The following DNMBP variants were observed in gnomAD, a reference collection of about 807,000 sequenced individuals.
DNMBP encodes the protein dynamin binding protein.
DNMBP carries 87 observed loss-of-function variants against 150.0 expected under a neutral mutation model. That is an observed-to-expected ratio of 0.58 (90% CI 0.49 to 0.69). The LOEUF is 0.69. Ranked by LOEUF, DNMBP falls within the 30% of genes least tolerant of loss-of-function variation. The pLI is 0.00. For synonymous variants in DNMBP, 711 were observed against 750.4 expected (o/e 0.95, Z 0.86); for missense variants, 1,774 against 1,949.0 (o/e 0.91, Z 1.69).
At chr10:99,963,209 C>T (rs1376126216) in intron 3 of DNMBP, among the ~76,000 whole-genome samples, 1 of 151,822 alleles carries the variant, frequency 6.6e-6, no homozygotes, top group Non-Finnish European at 1.5e-5. Flanking sequence ...GCTGGGACTA[C>T]AGGTGTGTGC....
At chr10:100,002,526 T>C (rs1338185065) in intron 1 of DNMBP, among the ~76,000 whole-genome samples, 1 of 152,250 alleles carries the variant, frequency 6.6e-6, no homozygotes, top group East Asian at 1.9e-4. Flanking sequence ...ATCTTATATT[T>C]ACAATCATGC....
chr10:99,887,333 T>G (rs2039484908), intron 12 of DNMBP, among the ~76,000 whole-genome samples: 1 of 152,126 alleles, frequency 6.6e-6, no homozygotes, highest in Non-Finnish European at 1.5e-5. Context: ...GTCAGAAGTT[T>G]GAGACCAGCC....
At chr10:99,982,992 C>T (rs1300323259) in intron 1 of DNMBP, among the ~76,000 whole-genome samples, 1 of 151,970 alleles carries the variant, frequency 6.6e-6, no homozygotes, top group African/African-American at 2.4e-5. Context: ...ATTCTGGGGT[C>T]CCAGAACAAA....
At chr10:99,886,278 A>C (rs567748603) in intron 13 of DNMBP, 22 bp downstream of exon 13, 2 of 1,591,898 alleles carry the variant, frequency 1.3e-6, no homozygotes, top group Non-Finnish European at 1.7e-6. Flanking sequence ...TGACCATCCC[A>C]CTGAACAGGT....
intron 4 of DNMBP, among the ~76,000 whole-genome samples, chr10:99,944,723 C>T (rs1001693908): frequency 1.7e-5 from 1 of 59,280 alleles, no homozygotes; most frequent in Non-Finnish European, 3.7e-5. Context: ...TGTTTCATTC[C>T]CCAACACACA....
intron 8 of DNMBP, 34 bp from the exon 9 acceptor site, chr10:99,898,319 A>G (rs766087709): frequency 3.8e-6 from 6 of 1,563,856 alleles, no homozygotes; most frequent in Non-Finnish European, 5.3e-6. Flanking sequence ...TTAGTAAGCT[A>G]TCAATAATAT....
intron 9 of DNMBP, among the ~76,000 whole-genome samples, chr10:99,897,755 A>C (rs2039676296): frequency 6.6e-6 from 1 of 152,084 alleles, no homozygotes; most frequent in Admixed American, 6.5e-5. Flanking sequence ...TCTACTAAAA[A>C]TACAAAAATT....
In DNMBP at chr10:99,886,467, G is replaced by A. The variant is rs2039466767; in HGVS notation, c.3451C>T (p.Gln1151Ter). 1 of 1,614,074 alleles carries A rather than the reference G, an allele frequency of 6.2e-7. No individual in the cohort carries two copies. The highest frequency in any genetic ancestry group is 8.5e-7 in the Non-Finnish European group (1 of 1,180,054). ...GCCTCATAGTTGTTCCGGGCCGACTGCAGCTCCTCCAGGGTCTTCTTGTCC... is the reference window on the plus strand; with the variant it reads ...GCCTCATAGTTGTTCCGGGCCGACTACAGCTCCTCCAGGGTCTTCTTGTCC... ...LKDKKTLEEL[Q>*]SARNNYEALN... Residue 1151 changes from glutamine (Q) to a stop codon, truncating the protein, a stop_gained, in exon 13 of 17, where the codon CAG becomes TAG. Transcript: ENST00000324109. LOFTEE classifies it high-confidence loss of function.
chr10:100,006,300 G>A (rs572066195), intron 1 of DNMBP, among the ~76,000 whole-genome samples: 5 of 152,192 alleles, frequency 3.3e-5, no homozygotes, highest in African/African-American at 1.2e-4. Flanking sequence ...CATCTGAAGC[G>A]ATTTACTTTC....
At chr10:99,941,576 C>T (rs970912483) in intron 4 of DNMBP, among the ~76,000 whole-genome samples, 2 of 151,986 alleles carry the variant, frequency 1.3e-5, no homozygotes, top group African/African-American at 4.8e-5. Flanking sequence ...TCAAGCGGTT[C>T]TCCTGCCTCA....
At chr10:99,907,882 C>T in intron 6 of DNMBP, 113 bp downstream of exon 6, 1 of 721,326 alleles carries the variant, frequency 1.4e-6, no homozygotes, top group Non-Finnish European at 2.4e-6. Context: ...GGACTAAGTA[C>T]CTACACCTGT....
chr10:99,882,010 G>C (rs1259156880), intron 15 of DNMBP, among the ~76,000 whole-genome samples: 1 of 152,182 alleles, frequency 6.6e-6, no homozygotes, highest in Non-Finnish European at 1.5e-5. Context: ...CCCCAGCAGG[G>C]TCAGCACCCC....
rs1331247060 is a variant in DNMBP, at chr10:99,956,443, T to C, written c.1031A>G (p.His344Arg). ...VEEQRHETSDHEAEEPDCIIS... is the reference protein window; with the variant it reads ...VEEQRHETSDREAEEPDCIIS... ...AATGCAGTCAGGCTCCTCGGCCTCA[T>C]GGTCACTGGTTTCATGTCTTTGTTC... The change falls in exon 4 of 17, where the codon CAT (histidine) becomes CGT (arginine). Residue 344 changes from histidine (H) to arginine (R), a missense_variant. By Grantham distance (29) the His-to-Arg change is conservative. This residue lies in a region of DNMBP where 344 missense variants were observed against 456.6 expected (regional missense o/e 0.75). Coordinates refer to ENST00000324109, the MANE Select transcript of DNMBP (RefSeq NM_015221.4). 4 of 1,614,126 alleles carry C rather than the reference T, an allele frequency of 2.5e-6. No homozygotes were observed. The highest frequency in any genetic ancestry group is 2.2e-5 in the East Asian group (1 of 44,870).
intron 11 of DNMBP, among the ~76,000 whole-genome samples, chr10:99,891,100 TA>T: frequency 6.6e-6 from 1 of 152,158 alleles, no homozygotes; most frequent in African/African-American, 2.4e-5. Context: ...TCTTAAAACT[TA>T]AAAAAAGATT....
intron 16 of DNMBP, among the ~76,000 whole-genome samples, chr10:99,878,250 A>G (rs1190085661): frequency 6.6e-6 from 1 of 152,240 alleles, no homozygotes; most frequent in African/African-American, 2.4e-5. Context: ...GATGCCACAA[A>G]CAAAGATCTC....
chr10:99,892,301 T>A (rs866880106), intron 11 of DNMBP, among the ~76,000 whole-genome samples: 1,704 of 147,526 alleles, frequency 0.012, 10 homozygotes, highest in African/African-American at 0.04. Context: ...CAATGGCGGC[T>A]TTGTGGAATA....
chr10:99,892,191 C>T (rs1315022166), intron 11 of DNMBP, among the ~76,000 whole-genome samples: 12 of 145,338 alleles, frequency 8.3e-5, no homozygotes, highest in African/African-American at 2.1e-4. Flanking sequence ...GCCCCCTGCC[C>T]GGCCAGCCGC....
At chr10:99,923,729 G>GT (rs1349756643) in intron 4 of DNMBP, among the ~76,000 whole-genome samples, 1 of 151,972 alleles carries the variant, frequency 6.6e-6, no homozygotes, top group African/African-American at 2.4e-5. Flanking sequence ...ACAACCCTAT[G>GT]TCTTTCTCAT....
intron 1 of DNMBP, among the ~76,000 whole-genome samples, chr10:99,978,756 G>A (rs1400791433): frequency 6.6e-6 from 1 of 152,130 alleles, no homozygotes; most frequent in African/African-American, 2.4e-5. Context: ...TTTATTTACA[G>A]AGGTGAGGTT....
Sources: gnomAD v4.1 joint callset for allele counts (sites outside exome capture counted in the v4.1 genomes callset) on GRCh38, gnomAD v4.1.1 for gene constraint, gnomAD v4.1.1 regional missense constraint, MANE v1.5 for transcripts, NCBI Gene and HGNC (gene_info 2026-07-23, HGNC 2026-07-21) for gene names.